Variants in SGMS1 observed in about 807,000 individuals in gnomAD.
The protein encoded by SGMS1 is phosphatidylcholine:ceramide cholinephosphotransferase 1.
A neutral mutation model predicts 46.2 loss-of-function variants in SGMS1; 13 were observed. The observed-to-expected ratio is 0.28, with a 90% CI of 0.18 to 0.45. SGMS1 has a LOEUF of 0.45. Among genes scored for constraint, SGMS1 ranks in the 20% least tolerant of loss-of-function variants. SGMS1 has a pLI of 1.00. For missense variants in SGMS1, 324 were observed against 519.9 expected, an observed-to-expected ratio of 0.62 and a Z score of 3.66; for synonymous variants, 203 against 187.8, an observed-to-expected ratio of 1.08 and a Z score of -0.66.
chr10:50,498,372 T>C (rs1837634055), intron 3 of SGMS1, among the ~76,000 whole-genome samples: 1 of 152,246 alleles, frequency 6.6e-6, no homozygotes, highest in South Asian at 2.1e-4. Flanking sequence ...TATATAGTTT[T>C]ATGGCTTTAA....
chr10:50,465,930 C>CA (rs201020600), intron 4 of SGMS1, among the ~76,000 whole-genome samples: 52 of 144,364 alleles, frequency 3.6e-4, no homozygotes, highest in African/African-American at 1.3e-3. Flanking sequence ...AGCTCAGCCA[C>CA]AAAAAAAATA....
At chr10:50,324,453 G>C (rs149683440) in intron 8 of SGMS1, among the ~76,000 whole-genome samples, 8 of 152,240 alleles carry the variant, frequency 5.3e-5, no homozygotes, top group African/African-American at 1.9e-4. Context: ...TCTCACTTCT[G>C]ATTCCCTTAG....
intron 1 of SGMS1, among the ~76,000 whole-genome samples, chr10:50,603,428 A>G (rs1280782803): frequency 6.6e-6 from 1 of 152,228 alleles, no homozygotes; most frequent in Non-Finnish European, 1.5e-5. Flanking sequence ...ACCTCTCACT[A>G]TCTGATACTC....
chr10:50,623,991 C>T (rs1305371185), upstream of SGMS1: 13 of 985,442 alleles, frequency 1.3e-5, no homozygotes, highest in Non-Finnish European at 1.6e-5. Flanking sequence ...CGAGCCGGCC[C>T]GGCTTCCCGC....
intron 3 of SGMS1, among the ~76,000 whole-genome samples, chr10:50,513,823 AAACTAGAACTGGGTTATTCTTC>A (rs1174530245): frequency 2.0e-5 from 3 of 152,176 alleles, no homozygotes; most frequent in Admixed American, 1.3e-4. Context: ...TTCACATCAG[AAACTAGAACTGGGTTATTCTTC>A]AACAACAGGA....
chr10:50,327,422 C>T, intron 7 of SGMS1, 100 bp from the exon 8 acceptor site: 1 of 727,882 alleles, frequency 1.4e-6, no homozygotes, highest in Admixed American at 2.3e-5. Context: ...ACCCCAAAAA[C>T]TACTTGAGAA....
chr10:50,577,411 T>G (rs997901010), intron 2 of SGMS1, among the ~76,000 whole-genome samples: 1 of 151,944 alleles, frequency 6.6e-6, no homozygotes, highest in Non-Finnish European at 1.5e-5. Context: ...ATAAAAAAAG[T>G]ATAGAGAAAG....
At chr10:50,574,170 T>C (rs561580183) in intron 2 of SGMS1, among the ~76,000 whole-genome samples, 444 of 103,880 alleles carry the variant, frequency 4.3e-3, no homozygotes, top group African/African-American at 0.017. Context: ...AAAATAGATA[T>C]GGTATACAGC....
chr10:50,361,279 A>G (rs553968141), intron 6 of SGMS1, among the ~76,000 whole-genome samples: 48 of 152,172 alleles, frequency 3.2e-4, no homozygotes, highest in African/African-American at 1.1e-3. Context: ...GTCAGAACAG[A>G]CGAACGAGGT....
intron 6 of SGMS1, among the ~76,000 whole-genome samples, chr10:50,390,717 T>C (rs1848754301): frequency 6.6e-6 from 1 of 152,236 alleles, no homozygotes; most frequent in Non-Finnish European, 1.5e-5. Context: ...AATTACTCCC[T>C]TTGAAAGAAA....
intron 8 of SGMS1, among the ~76,000 whole-genome samples, chr10:50,323,424 C>A (rs1425442241): frequency 6.6e-6 from 1 of 152,180 alleles, no homozygotes; most frequent in African/African-American, 2.4e-5. Flanking sequence ...GTCAGAGTAT[C>A]CACCAAGTGA....
intron 6 of SGMS1, among the ~76,000 whole-genome samples, chr10:50,424,229 A>G (rs1325563001): frequency 1.3e-5 from 2 of 152,340 alleles, no homozygotes; most frequent in East Asian, 3.9e-4. Context: ...AAGGAACTAG[A>G]GGGCAGTCAC....
intron 5 of SGMS1, among the ~76,000 whole-genome samples, chr10:50,453,802 A>AG (rs1320604708): frequency 3.6e-5 from 1 of 27,964 alleles, no homozygotes; most frequent in African/African-American, 1.4e-4. Flanking sequence ...AGGGGAGAGG[A>AG]AGGAGGGAGG....
At chr10:50,507,027 A>C (rs10826126) in intron 3 of SGMS1, among the ~76,000 whole-genome samples, 84,374 of 151,992 alleles carry the variant, frequency 0.56, 23,527 homozygotes, top group Admixed American at 0.66. Context: ...CGAATGGGAA[A>C]CACACAGCTG....
chr10:50,338,483 T>C (rs1259390781), intron 7 of SGMS1, among the ~76,000 whole-genome samples: 2 of 152,190 alleles, frequency 1.3e-5, no homozygotes, highest in African/African-American at 4.8e-5. Flanking sequence ...AGTTGGAGAT[T>C]TCCCCAAATT....
Position 50,376,180 on chromosome 10 carries a change from G to C in SGMS1, c.-231-31835C>G, listed in dbSNP as rs78793715. ...GTACCACAAGCCATGTCTTCAGAGG[G>C]GGGTATGTTCGCTGTGGTGTGGGGA... is the stretch of plus-strand genomic sequence containing the variant. On this transcript the variant is annotated intron_variant, in intron 6 of 10. Coordinates refer to ENST00000361781, the MANE Select transcript of SGMS1 (RefSeq NM_147156.4). Among the ~76,000 whole-genome samples the C allele has an allele frequency of 4.8e-3, 729 of 152,250 alleles. 8 individuals are homozygous for C. Among genetic ancestry groups the C allele is most frequent in the African/African-American group, 0.016 (683 of 41,548 alleles).
At chr10:50,508,579 G>A (rs988591592) in intron 3 of SGMS1, among the ~76,000 whole-genome samples, 20 of 152,188 alleles carry the variant, frequency 1.3e-4, no homozygotes, top group African/African-American at 4.3e-4. Flanking sequence ...AGTCTAGACC[G>A]CAGGGAGACC....
chr10:50,463,850 G>A (rs1837297101), intron 4 of SGMS1, among the ~76,000 whole-genome samples: 9 of 152,108 alleles, frequency 5.9e-5, no homozygotes, highest in Admixed American at 5.9e-4. Context: ...TTAAAAAGAA[G>A]GAAATCTTCT....
At chr10:50,461,640 T>C (rs1837265850) in intron 4 of SGMS1, among the ~76,000 whole-genome samples, 1 of 152,090 alleles carries the variant, frequency 6.6e-6, no homozygotes, top group South Asian at 2.1e-4. Context: ...CCTCCCCACT[T>C]AAATCTCAGG....
Sources: allele counts gnomAD v4.1 joint callset (sites outside exome capture counted in the v4.1 genomes callset), GRCh38; gene constraint gnomAD v4.1.1; transcripts MANE v1.5; gene names NCBI Gene and HGNC (gene_info 2026-07-23, HGNC 2026-07-21).